Variants in NTM observed in about 807,000 individuals in gnomAD.
NTM encodes IgLON family member 2.
NTM carries 13 observed loss-of-function variants against 42.1 expected under a neutral mutation model. That is an observed-to-expected ratio of 0.31 (90% CI 0.20 to 0.49). NTM has a LOEUF of 0.49. Ranked by LOEUF, NTM falls within the 20% of genes least tolerant of loss-of-function variation. The pLI, the probability that NTM is intolerant of heterozygous loss-of-function variation, is 0.99. For missense variants in NTM, 373 were observed against 452.8 expected (o/e 0.82, Z 1.60); for synonymous variants, 187 against 179.2 (o/e 1.04, Z -0.35).
At chr11:132,237,376 C>T (rs926560904) in intron 4 of NTM, among the ~76,000 whole-genome samples, 2 of 152,066 alleles carry the variant, frequency 1.3e-5, no homozygotes, top group Non-Finnish European at 2.9e-5. Context: ...GATCTCGGTA[C>T]GTCACAGTGA....
At chr11:131,835,924 T>C (rs1433439460) in intron 1 of NTM, among the ~76,000 whole-genome samples, 2 of 152,082 alleles carry the variant, frequency 1.3e-5, no homozygotes, top group African/African-American at 2.4e-5. Context: ...GTGTCACAAA[T>C]ACAATGTTGA....
rs564657196 is a variant in NTM, at chr11:132,157,203, C to G, written c.400+10689C>G. Among the ~76,000 whole-genome samples, 5 of 152,322 alleles carry G rather than the reference C, an allele frequency of 3.3e-5. No individual in the cohort carries two copies. The South Asian group carries it at 8.3e-4, about 25-fold the overall frequency. On this transcript the variant is annotated intron_variant, in intron 3 of 8. Transcript: ENST00000683400. ...GTTATAGAAAAAGGAAACAAATACACTGACCTTCAATGTTTTGAATCCTTA... is the reference window on the plus strand; with the variant it reads ...GTTATAGAAAAAGGAAACAAATACAGTGACCTTCAATGTTTTGAATCCTTA...
intron 1 of NTM, among the ~76,000 whole-genome samples, chr11:131,414,934 G>T (rs1434674266): frequency 6.6e-6 from 1 of 152,118 alleles, no homozygotes; most frequent in Admixed American, 6.6e-5. Flanking sequence ...GCATCCCTAA[G>T]CCCTAAGCCC....
intron 4 of NTM, among the ~76,000 whole-genome samples, chr11:132,270,015 T>G (rs1591644764): frequency 6.6e-6 from 1 of 152,318 alleles, no homozygotes; most frequent in Middle Eastern, 3.4e-3. Context: ...CCTTCATGTC[T>G]CTTTACATTT....
At chr11:132,294,911 C>T (rs929096036) in intron 4 of NTM, among the ~76,000 whole-genome samples, 2 of 152,142 alleles carry the variant, frequency 1.3e-5, no homozygotes, top group African/African-American at 4.8e-5. Context: ...TATTAGGGCA[C>T]ACTGCATGCC....
intron 1 of NTM, among the ~76,000 whole-genome samples, chr11:131,727,417 A>G (rs897602357): frequency 1.3e-5 from 2 of 152,150 alleles, no homozygotes; most frequent in Non-Finnish European, 2.9e-5. Context: ...GACAGCTACA[A>G]ATTTGGCTTT....
intron 1 of NTM, among the ~76,000 whole-genome samples, chr11:131,412,909 C>A (rs994943988): frequency 2.0e-5 from 3 of 152,068 alleles, no homozygotes; most frequent in East Asian, 3.9e-4. Flanking sequence ...CTAGGAGAAC[C>A]TTTTGTCATC....
chr11:131,963,134 A>G (rs1337190861), intron 2 of NTM, among the ~76,000 whole-genome samples: 1 of 152,158 alleles, frequency 6.6e-6, no homozygotes, highest in African/African-American at 2.4e-5. Flanking sequence ...AACAAAAGAC[A>G]CGAGACTCCT....
At chr11:131,503,327 C>T (rs1045754208) in intron 1 of NTM, among the ~76,000 whole-genome samples, 1 of 152,082 alleles carries the variant, frequency 6.6e-6, no homozygotes, top group African/African-American at 2.4e-5. Flanking sequence ...CAGGAACATG[C>T]AGGGTAGATC....
At chr11:131,986,439 C>T (rs2066084418) in intron 2 of NTM, among the ~76,000 whole-genome samples, 1 of 152,210 alleles carries the variant, frequency 6.6e-6, no homozygotes, top group African/African-American at 2.4e-5. Context: ...TTGTTCCATT[C>T]CTTTTCTATA....
intron 2 of NTM, among the ~76,000 whole-genome samples, chr11:131,985,271 A>G (rs538519626): frequency 2.6e-5 from 4 of 152,302 alleles, no homozygotes; most frequent in South Asian, 4.2e-4. Flanking sequence ...ACATTTTGCT[A>G]TTTCACAACA....
intron 2 of NTM, among the ~76,000 whole-genome samples, chr11:132,111,545 G>A (rs988200013): frequency 1.1e-4 from 16 of 152,232 alleles, no homozygotes; most frequent in East Asian, 7.7e-4. Flanking sequence ...ATTCCAATTC[G>A]TGATGCTGCA....
At chr11:131,943,303 C>T (rs962966539) in intron 2 of NTM, among the ~76,000 whole-genome samples, 2 of 152,206 alleles carry the variant, frequency 1.3e-5, no homozygotes, top group African/African-American at 4.8e-5. Context: ...CACATGGAAA[C>T]TGCACCCAAG....
At chr11:131,373,994 C>T (rs1941596381) in intron 1 of NTM, among the ~76,000 whole-genome samples, 1 of 152,188 alleles carries the variant, frequency 6.6e-6, no homozygotes. Flanking sequence ...ACAGTACACA[C>T]GTGGTGCCAG....
At chr11:131,795,117 T>G in intron 1 of NTM, 1 of 503,218 alleles carries the variant, frequency 2.0e-6, no homozygotes, top group Non-Finnish European at 2.6e-6. Context: ...ACTTTTTCAT[T>G]AAAAGTATTG....
At chr11:132,280,225 G>C (rs1404068198) in intron 4 of NTM, among the ~76,000 whole-genome samples, 1 of 152,162 alleles carries the variant, frequency 6.6e-6, no homozygotes, top group African/African-American at 2.4e-5. Flanking sequence ...TTTGCCTAAT[G>C]CCAGAAAATA....
intron 1 of NTM, among the ~76,000 whole-genome samples, chr11:131,880,415 C>T (rs990652536): frequency 6.6e-6 from 1 of 152,160 alleles, no homozygotes; most frequent in Admixed American, 6.5e-5. Context: ...GGTAACAATG[C>T]AAATGAGGGA....
intron 1 of NTM, among the ~76,000 whole-genome samples, chr11:131,544,096 C>A (rs141140687): frequency 3.5e-4 from 54 of 152,276 alleles, no homozygotes; most frequent in African/African-American, 1.2e-3. Context: ...AAGATGCATG[C>A]AGGTCAGTCC....
intron 1 of NTM, among the ~76,000 whole-genome samples, chr11:131,702,805 A>T (rs779486766): frequency 3.3e-5 from 5 of 152,256 alleles, no homozygotes; most frequent in Non-Finnish European, 5.9e-5. Flanking sequence ...ATAATACAGG[A>T]TAGGACGAAT....
Sources: allele counts gnomAD v4.1 joint callset (sites outside exome capture counted in the v4.1 genomes callset), GRCh38; gene constraint gnomAD v4.1.1; transcripts MANE v1.5; gene names NCBI Gene and HGNC (gene_info 2026-07-23, HGNC 2026-07-21).